The following THSD7B variants were observed in gnomAD, a reference collection of about 807,000 sequenced individuals.
The protein encoded by THSD7B is thrombospondin type-1 domain-containing protein 7B.
A neutral mutation model predicts 213.6 loss-of-function variants in THSD7B; 138 were observed. The ratio of observed to expected loss-of-function variants is 0.65; its 90% CI spans 0.56 to 0.74. The LOEUF (loss-of-function observed/expected upper bound fraction) is 0.74. THSD7B is among the 30% of genes least tolerant of loss of function. The pLI, the probability that THSD7B is intolerant of heterozygous loss-of-function variation, is 0.00. For synonymous variants in THSD7B, 742 were observed against 687.0 expected, an observed-to-expected ratio of 1.08 and a Z score of -1.25; for missense variants, 1,931 against 1,991.5, an observed-to-expected ratio of 0.97 and a Z score of 0.58.
chr2:137,182,314 G>C (rs1441739926), intron 7 of THSD7B, among the ~76,000 whole-genome samples: 1 of 152,184 alleles, frequency 6.6e-6, no homozygotes, highest in Non-Finnish European at 1.5e-5. Flanking sequence ...TGTATGTCCA[G>C]ATATTCCGAA....
intron 15 of THSD7B, among the ~76,000 whole-genome samples, chr2:137,534,953 T>C (rs1402625649): frequency 6.6e-6 from 1 of 151,780 alleles, no homozygotes; most frequent in Non-Finnish European, 1.5e-5. Flanking sequence ...TGAAACTTGA[T>C]TTTGTCTGTT....
intron 5 of THSD7B, among the ~76,000 whole-genome samples, chr2:137,135,905 C>T (rs1428174038): frequency 6.6e-6 from 1 of 151,984 alleles, no homozygotes; most frequent in Admixed American, 6.5e-5. Context: ...CACTGTTCTT[C>T]TTCAATATTG....
intron 2 of THSD7B, among the ~76,000 whole-genome samples, chr2:136,971,662 A>ACACACACACACG (rs1451803573): frequency 2.1e-4 from 31 of 151,218 alleles, no homozygotes; most frequent in Admixed American, 1.8e-3. Flanking sequence ...ACACACACAC[A>ACACACACACACG]CACACACACG....
At chr2:137,040,628 C>T (rs1686865386) in intron 2 of THSD7B, among the ~76,000 whole-genome samples, 1 of 152,006 alleles carries the variant, frequency 6.6e-6, no homozygotes, top group African/African-American at 2.4e-5. Flanking sequence ...CTCCTGATCT[C>T]GTGATCCACC....
At chr2:137,504,640 T>C (rs562002958) in intron 15 of THSD7B, among the ~76,000 whole-genome samples, 2 of 152,372 alleles carry the variant, frequency 1.3e-5, no homozygotes, top group South Asian at 4.1e-4. Flanking sequence ...TCATTATTTG[T>C]CTTTTCTGTG....
chr2:136,949,552 G>A (rs1474161732), intron 2 of THSD7B, among the ~76,000 whole-genome samples: 1 of 152,164 alleles, frequency 6.6e-6, no homozygotes, highest in Non-Finnish European at 1.5e-5. Context: ...TGGTTGCTGC[G>A]CTGCCCTGTA....
At chr2:137,372,563 G>C (rs2104951546) in intron 12 of THSD7B, among the ~76,000 whole-genome samples, 1 of 151,886 alleles carries the variant, frequency 6.6e-6, no homozygotes, top group Non-Finnish European at 1.5e-5. Context: ...TTCAAAGTAG[G>C]GGCTTCCAAG....
At chr2:137,389,622 T>A (rs922640973) in intron 12 of THSD7B, among the ~76,000 whole-genome samples, 1 of 151,884 alleles carries the variant, frequency 6.6e-6, no homozygotes, top group Non-Finnish European at 1.5e-5. Flanking sequence ...GTTTTTGAGG[T>A]CTTACCTATA....
At chr2:137,440,697 G>A (rs1396696258) in intron 14 of THSD7B, among the ~76,000 whole-genome samples, 1 of 151,982 alleles carries the variant, frequency 6.6e-6, no homozygotes, top group Non-Finnish European at 1.5e-5. Flanking sequence ...TCCCAATTTT[G>A]CACTCCTGTC....
intron 1 of THSD7B, among the ~76,000 whole-genome samples, chr2:136,833,137 G>A (rs775438482): frequency 1.1e-4 from 17 of 152,012 alleles, no homozygotes; most frequent in Non-Finnish European, 1.9e-4. Flanking sequence ...AGGCCGAGGT[G>A]GGCGGATCAC....
chr2:137,673,187 T>C (rs1196844031), intron 27 of THSD7B, among the ~76,000 whole-genome samples: 2 of 152,230 alleles, frequency 1.3e-5, no homozygotes, highest in Non-Finnish European at 2.9e-5. Context: ...TGCTTGTCAG[T>C]CCACAATGAG....
chr2:137,379,285 C>T (rs776375555), intron 12 of THSD7B, among the ~76,000 whole-genome samples: 22 of 152,074 alleles, frequency 1.4e-4, no homozygotes, highest in Admixed American at 2.0e-4. Flanking sequence ...TGTATCTTTC[C>T]GTAAGCAAGT....
chr2:137,454,030 A>T (rs6753815), intron 15 of THSD7B, among the ~76,000 whole-genome samples: 12,848 of 152,212 alleles, frequency 0.084, 1,151 homozygotes, highest in African/African-American at 0.22. Context: ...ACTTAGGTTG[A>T]TTCCATAACT....
chr2:137,107,796 A>G (rs914919464), intron 4 of THSD7B, among the ~76,000 whole-genome samples: 3 of 152,176 alleles, frequency 2.0e-5, no homozygotes, highest in African/African-American at 7.2e-5. Context: ...AAGTCTATTA[A>G]TAATACATGT....
At chr2:137,085,066 T>C (rs529386299) in intron 3 of THSD7B, among the ~76,000 whole-genome samples, 1 of 152,266 alleles carries the variant, frequency 6.6e-6, no homozygotes, top group South Asian at 2.1e-4. Context: ...CTTTCTCTAG[T>C]GAGCTGTCAT....
rs1295491901 is a variant in THSD7B, at chr2:137,091,260, A to G, written c.951-3613A>G. 3.9e-5 allele frequency among the ~76,000 whole-genome samples: 6 copies of G among 152,220 alleles called. No homozygotes were observed. In the South Asian group the frequency reaches 8.3e-4, roughly 21 times the overall value. ...AAAAGTCAATGTGGGAAGGATGAGC[A>G]ACAGAGAGTGAAAGCTGGTAAGTGG... On this transcript the variant is annotated intron_variant, in intron 3 of 27. Coordinates refer to ENST00000409968, the MANE Select transcript of THSD7B (RefSeq NM_001316349.2).
intron 15 of THSD7B, among the ~76,000 whole-genome samples, chr2:137,506,772 G>A (rs1209277774): frequency 6.6e-6 from 1 of 152,162 alleles, no homozygotes. Context: ...GTAAGCTCTC[G>A]TAGCCTGGGA....
intron 21 of THSD7B, among the ~76,000 whole-genome samples, chr2:137,653,318 T>C (rs1260919951): frequency 6.6e-6 from 1 of 152,090 alleles, no homozygotes; most frequent in African/African-American, 2.4e-5. Flanking sequence ...CCTTTATATG[T>C]TGTTTGCTTA....
intron 20 of THSD7B, among the ~76,000 whole-genome samples, chr2:137,627,490 A>G (rs1169157680): frequency 6.6e-6 from 1 of 152,240 alleles, no homozygotes; most frequent in Non-Finnish European, 1.5e-5. Context: ...AGTTTTCTAG[A>G]AGTCCTGATA....
Sources: allele counts gnomAD v4.1 joint callset (sites outside exome capture counted in the v4.1 genomes callset), GRCh38; gene constraint gnomAD v4.1.1; transcripts MANE v1.5; gene names NCBI Gene and HGNC (gene_info 2026-07-23, HGNC 2026-07-21).